LRIG2: variants seen among roughly 807,000 people sequenced by gnomAD.
The protein encoded by LRIG2 is leucine rich repeats and immunoglobulin like domains 2.
LRIG2 carries 93 observed loss-of-function variants against 107.8 expected under a neutral mutation model. The observed-to-expected ratio is 0.86, with a 90% confidence interval of 0.73 to 1.03. The LOEUF (loss-of-function observed/expected upper bound fraction) is 1.03, where lower values mean the gene tolerates loss of function less well. LRIG2 is among the 50% of genes least tolerant of loss of function. LRIG2 has a pLI of 0.00. For synonymous variants in LRIG2, 471 were observed against 470.6 expected, an observed-to-expected ratio of 1.00 and a Z score of -0.01; for missense variants, 1,226 against 1,296.0, an observed-to-expected ratio of 0.95 and a Z score of 0.83.
rs1311097819 is a variant in LRIG2 at position 113,096,350 on chromosome 1, C to A, written c.1076C>A (p.Ser359Tyr). Reference protein sequence around the residue: ...HIADGVFRFLSNLQTLDLRNN... With the variant: ...HIADGVFRFLYNLQTLDLRNN... Reference sequence around the variant, plus strand: ...GCTGATGGTGTATTTAGATTTCTTTCCAATCTTCAGACATTGTAAGTATAT... The same window carrying A: ...GCTGATGGTGTATTTAGATTTCTTTACAATCTTCAGACATTGTAAGTATAT... Residue 359 changes from serine (S) to tyrosine (Y), a missense_variant, in exon 8 of 18, where the codon TCC (serine) becomes TAC (tyrosine). Around this residue, in one of 3 missense-constraint regions of LRIG2, gnomAD observed 570 missense variants for 550.2 expected, o/e 1.04. Transcript: ENST00000361127. The A allele has an allele frequency of 1.9e-6, 3 of 1,613,362 alleles. No homozygotes were observed. Among genetic ancestry groups the A allele is most frequent in the South Asian group, 1.1e-5 (1 of 90,748 alleles).
intron 15 of LRIG2, among the ~76,000 whole-genome samples, chr1:113,115,355 T>C (rs1266923744): frequency 6.6e-6 from 1 of 151,954 alleles, no homozygotes; most frequent in Non-Finnish European, 1.5e-5. Context: ...GCGGGGACTA[T>C]AGGCATGTGC....
chr1:113,100,424 T>A lies in LRIG2; in HGVS notation c.1249T>A (p.Leu417Met). 1 of 1,528,650 alleles carries A rather than the reference T, an allele frequency of 6.5e-7. No homozygotes were observed. The highest frequency in any genetic ancestry group is 1.7e-5 in the Admixed American group (1 of 58,414). 94.7% of individuals were successfully genotyped at this position (1,528,650 alleles called of 1,614,324 possible). ...IGLESLEHLD[L>M]NNNAIMSIQE... ...TTTCATTTCTCTTTATTTCAGAGAT[T>A]TGAACAATAATGCTATAATGTCTAT... is the stretch of plus-strand genomic sequence containing the variant. The change falls in exon 11 of 18, where the codon TTG becomes ATG. Residue 417 changes from leucine to methionine, a missense_variant. Leu to Met is a conservative substitution (Grantham distance 15). Around this residue, in one of 3 missense-constraint regions of LRIG2, gnomAD observed 570 missense variants for 550.2 expected, o/e 1.04. Coordinates refer to ENST00000361127, the MANE Select transcript of LRIG2 (RefSeq NM_014813.3).
chr1:113,115,434 C>T (rs1350858642), intron 15 of LRIG2, among the ~76,000 whole-genome samples: 5 of 152,050 alleles, frequency 3.3e-5, no homozygotes, highest in South Asian at 4.1e-4. Flanking sequence ...TGGTCTCAAA[C>T]TCCTGGGCTC....
At position 113,093,394 on chromosome 1, in the gene LRIG2, A is replaced by G. The variant is rs201524179; in HGVS notation, c.381-36A>G. 1,211 of 1,609,868 alleles carry G rather than the reference A, an allele frequency of 7.5e-4. 6 individuals carry two copies. The Middle Eastern group carries it at 0.014, about 19-fold the overall frequency. ...ACATTTTTGTGGCCTGGGGTGGATC[A>G]GTGGCAGCAGCTTCATTATAATCTT... On this transcript the variant is annotated intron_variant, in intron 3 of 17. Transcript: ENST00000361127.
At chr1:113,083,345 C>CT (rs10641659) in intron 1 of LRIG2, among the ~76,000 whole-genome samples, 60,310 of 109,008 alleles carry the variant, frequency 0.55, 18,343 homozygotes, top group Non-Finnish European at 0.63. Flanking sequence ...TGGCTGCTCA[C>CT]TTTTTTTTTT....
Position 113,119,248 on chromosome 1 carries a change from G to T in LRIG2, c.2696G>T (p.Arg899Leu). The change falls in exon 17 of 18, where the codon CGG becomes CTG. Residue 899 changes from arginine to leucine, a missense_variant. Arg to Leu is a moderately radical substitution (Grantham distance 102). Transcript: ENST00000361127. ...TTGTTATTAGGTGGCACTGGTACCC[G>T]GGTGATTTGCTCAGATTGTTATGAC... The part of the protein sequence containing the change: ...HKGTDGGTGT[R>L]VICSDCYDNA... 6.2e-7 allele frequency: 1 copy of T among 1,609,982 alleles called. No individual in the cohort carries two copies. The highest frequency in any genetic ancestry group is 8.5e-7 in the Non-Finnish European group (1 of 1,176,522).
At chr1:113,076,016 T>A (rs983560668) in intron 1 of LRIG2, among the ~76,000 whole-genome samples, 5 of 150,052 alleles carry the variant, frequency 3.3e-5, no homozygotes, top group Admixed American at 1.3e-4. Context: ...TTTTTTTTTT[T>A]TTTATTTAAG....
chr1:113,119,892 C>T (rs1215461281), intron 17 of LRIG2, among the ~76,000 whole-genome samples: 1 of 152,066 alleles, frequency 6.6e-6, no homozygotes, highest in Non-Finnish European at 1.5e-5. Flanking sequence ...TCATGCCAAC[C>T]TCTGCCTCCC....
chr1:113,110,455 T>G lies in LRIG2; in HGVS notation c.1691T>G (p.Ile564Ser). 1 of 1,613,784 alleles carries G rather than the reference T, an allele frequency of 6.2e-7. No homozygotes were observed. The highest frequency in any genetic ancestry group is 8.5e-7 in the Non-Finnish European group (1 of 1,179,602). The change falls in exon 13 of 18, where the codon ATC becomes AGC. Residue 564 changes from isoleucine (I) to serine (S), a missense_variant. Physicochemically the swap from Ile to Ser is moderately radical, Grantham distance 142. Coordinates refer to ENST00000361127, the MANE Select transcript of LRIG2 (RefSeq NM_014813.3). ...GGAGAAGCTCTGGAATATACTAGTA[T>G]CTTACATCTTTTCAATGTGAATTTC... ...QAGEALEYTS[I>S]LHLFNVNFTD...
chr1:113,073,672 C>G (rs1230382944), intron 1 of LRIG2, 27 bp downstream of exon 1: 11 of 1,591,760 alleles, frequency 6.9e-6, no homozygotes, highest in Non-Finnish European at 9.4e-6. Context: ...GGCAGAGTGA[C>G]CAAAAGGAGG....
In LRIG2 at chr1:113,123,692, G is replaced by A. The variant is rs186807968; in HGVS notation, c.2972-183G>A. Among the ~76,000 whole-genome samples, 339 of 150,680 alleles carry A rather than the reference G, an allele frequency of 2.2e-3. 1 individual carries two copies. The highest frequency in any genetic ancestry group is 8.0e-3 in the African/African-American group (324 of 40,288). On this transcript the variant is annotated intron_variant, in intron 17 of 17. Coordinates refer to ENST00000361127, the MANE Select transcript of LRIG2 (RefSeq NM_014813.3). ...AATAATTGGTTAGGTTTGTGAAGTA[G>A]AGGGATTTGAAAGACCATGTTCTGG...
intron 17 of LRIG2, among the ~76,000 whole-genome samples, chr1:113,121,190 T>C (rs1328374314): frequency 1.3e-5 from 2 of 152,126 alleles, no homozygotes; most frequent in African/African-American, 4.8e-5. Context: ...ACTTGGCGGG[T>C]GTTTTTTTCT....
Position 113,091,345 on chromosome 1 carries a change from CTG to C in LRIG2, c.268_269del (p.Trp90GlufsTer18). 2.5e-6 allele frequency: 4 copies of C among 1,605,766 alleles called. No homozygotes were observed. The highest frequency in any genetic ancestry group is 3.4e-6 in the Non-Finnish European group (4 of 1,175,148). On this transcript the variant is annotated frameshift_variant, in exon 2 of 18. Coordinates refer to ENST00000361127, the MANE Select transcript of LRIG2 (RefSeq NM_014813.3). LOFTEE classifies it high-confidence loss of function. ...ATTTCAGTCATAATCGGTTGTCTAA[CTG>C]GAACATCAGCTTGGAATCACAAACA... ...LDFSHNRLSN[W>X]NISLESQTLQ...
chr1:113,091,233 T>G, intron 1 of LRIG2, 85 bp from the exon 2 acceptor site: 2 of 920,854 alleles, frequency 2.2e-6, no homozygotes, highest in Non-Finnish European at 3.3e-6. Flanking sequence ...CAAGAGGACT[T>G]TTTGTATTTC....
At chr1:113,120,358 G>A (rs937219385) in intron 17 of LRIG2, among the ~76,000 whole-genome samples, 1 of 151,854 alleles carries the variant, frequency 6.6e-6, no homozygotes, top group South Asian at 2.1e-4. Flanking sequence ...GCTGAGGCAC[G>A]AGAATCACTT....
intron 1 of LRIG2, among the ~76,000 whole-genome samples, chr1:113,086,592 G>T (rs1653565029): frequency 6.6e-6 from 1 of 152,178 alleles, no homozygotes; most frequent in Non-Finnish European, 1.5e-5. Flanking sequence ...TTCTGTTGCT[G>T]TAGGACTTTG....
chr1:113,099,254 T>TTTTTTTTTC (rs1477479165), intron 9 of LRIG2, among the ~76,000 whole-genome samples: 1 of 148,820 alleles, frequency 6.7e-6, no homozygotes, highest in South Asian at 2.2e-4. Context: ...CTTTTTTTTT[T>TTTTTTTTTC]TGAGACAGGG....
In LRIG2 at chr1:113,131,776, A is replaced by T. The variant is rs1244350828; in HGVS notation, c.*7675A>T. 2 of 151,060 alleles carry T rather than the reference A, an allele frequency of 1.3e-5. No homozygotes were observed. The highest frequency in any genetic ancestry group is 4.9e-5 in the African/African-American group (2 of 40,888). 9.4% of individuals were successfully genotyped at this position (151,060 alleles called of 1,614,324 possible). A position where few individuals can be genotyped will look rare whatever the true frequency, so the allele number is the denominator to read the frequency against. ...ACCTGAAAACCCAAGAATCATCTGA[A>T]GGTTTTGTCAGTAGTAAGGTAGGTT... is the stretch of plus-strand genomic sequence containing the variant. On this transcript the variant is annotated 3_prime_UTR_variant, in exon 18 of 18. Transcript: ENST00000361127.
chr1:113,093,163 T>C, intron 2 of LRIG2, 43 bp from the exon 3 acceptor site: 1 of 1,230,570 alleles, frequency 8.1e-7, no homozygotes, highest in Non-Finnish European at 1.2e-6. Flanking sequence ...AGAGGTAATA[T>C]TTCCCTCACT....
Sources: gnomAD v4.1 joint callset for allele counts (sites outside exome capture counted in the v4.1 genomes callset) on GRCh38, gnomAD v4.1.1 for gene constraint, gnomAD v4.1.1 regional missense constraint, MANE v1.5 for transcripts, NCBI Gene and HGNC (gene_info 2026-07-23, HGNC 2026-07-21) for gene names.